SCN9A: variants seen among roughly 807,000 people sequenced by gnomAD.
The protein encoded by SCN9A is sodium channel protein type 9 subunit alpha.
In SCN9A, 131 loss-of-function variants were observed where a neutral mutation model predicts 187.0. That is an observed-to-expected ratio of 0.70 (90% CI 0.61 to 0.81). The LOEUF is 0.81. Among genes scored for constraint, SCN9A ranks in the 30% least tolerant of loss-of-function variants. The probability of loss-of-function intolerance (pLI) is 0.00; values close to 1 mark genes in which losing one functional copy is unlikely to be tolerated. For synonymous variants in SCN9A, 809 were observed against 808.6 expected (o/e 1.00, Z -0.01); for missense variants, 2,252 against 2,396.6 (o/e 0.94, Z 1.26).
rs768250305 is a variant in SCN9A at position 166,242,664 on chromosome 2, G to A, written c.3473-8C>T. 16 of 1,540,174 alleles carry A rather than the reference G, an allele frequency of 1.0e-5. No homozygotes were observed. Among genetic ancestry groups the A allele is most frequent in the Middle Eastern group, 1.7e-4 (1 of 5,962 alleles). ...AGAACCTCCATACACAACCTGACAA[G>A]AAAGACATGCATGTTAAATCTTGAT... On this transcript the variant is annotated splice_polypyrimidine_tract_variant and splice_region_variant and intron_variant, in intron 18 of 26. Coordinates refer to ENST00000642356, the MANE Select transcript of SCN9A (RefSeq NM_001365536.1).
At chr2:166,340,601 TCTTTTTCTTTCTTTCTTTC>T (rs879812836) in intron 1 of SCN9A, among the ~76,000 whole-genome samples, 5,805 of 92,300 alleles carry the variant, frequency 0.063, 297 homozygotes, top group African/African-American at 0.15. Context: ...TTTCTTTCTT[TCTTTTTCTTTCTTTCTTTC>T]CTTTCTCTTC....
intron 24 of SCN9A, 79 bp downstream of exon 24, chr2:166,226,488 A>G (rs1314689719): frequency 9.8e-7 from 1 of 1,017,412 alleles, no homozygotes; most frequent in African/African-American, 1.6e-5. Flanking sequence ...ATTGATATCA[A>G]ATTAAACTTT....
chr2:166,357,988 T>C (rs557461504), intron 1 of SCN9A, among the ~76,000 whole-genome samples: 16 of 96,384 alleles, frequency 1.7e-4, no homozygotes, highest in African/African-American at 1.1e-3. Flanking sequence ...AAGTATTTCA[T>C]AAATTTTTTT....
In SCN9A at chr2:166,199,097, G is replaced by T. The variant is rs1381335907; in HGVS notation, c.5542C>A (p.Arg1848Ser). 1 of 1,613,946 alleles carries T rather than the reference G, an allele frequency of 6.2e-7. No individual in the cohort carries two copies. Among genetic ancestry groups the T allele is most frequent in the African/African-American group, 1.3e-5 (1 of 74,872 alleles). ...CLDILFAFTK[R>S]VLGESGEMDS... Reference sequence around the variant, plus strand: ...ATCTCCCCACTCTCACCCAAAACACGCTTTGTAAAAGCAAATAAGATGTCA... The same window carrying T: ...ATCTCCCCACTCTCACCCAAAACACTCTTTGTAAAAGCAAATAAGATGTCA... The change falls in exon 27 of 27, where the codon CGT becomes AGT. Residue 1848 changes from arginine to serine, a missense_variant. Arg to Ser is a moderately radical substitution (Grantham distance 110). Coordinates refer to ENST00000642356, the MANE Select transcript of SCN9A (RefSeq NM_001365536.1).
chr2:166,321,020 G>A (rs556091995), intron 1 of SCN9A, among the ~76,000 whole-genome samples: 52 of 152,224 alleles, frequency 3.4e-4, no homozygotes, highest in African/African-American at 1.2e-3. Context: ...AAATACTAAC[G>A]TGAACCCTCC....
chr2:166,266,956 G>A (rs989343199), intron 17 of SCN9A, among the ~76,000 whole-genome samples: 5 of 151,570 alleles, frequency 3.3e-5, no homozygotes, highest in African/African-American at 1.2e-4. Context: ...TTTTTTCATG[G>A]GGTCATTAGA....
At position 166,305,767 on chromosome 2, in the gene SCN9A, G is replaced by A. The variant is rs4429487; in HGVS notation, c.596+25C>T. The A allele has an allele frequency of 0.71, 1,150,753 of 1,612,184 alleles. 412,459 individuals are homozygous for A. Among genetic ancestry groups the A allele is most frequent in the African/African-American group, 0.85 (63,475 of 74,836 alleles). ...TGCCTGAGATTTTCATAAATTTGCC[G>A]TTTCAAAAAGCTGAAAGTACTTACG... On this transcript the variant is annotated intron_variant, in intron 5 of 26. Transcript: ENST00000642356.
At chr2:166,221,064 A>G (rs1334494969) in intron 24 of SCN9A, among the ~76,000 whole-genome samples, 1 of 152,228 alleles carries the variant, frequency 6.6e-6, no homozygotes, top group African/African-American at 2.4e-5. Context: ...CATTTATGAT[A>G]ACATCAAAAG....
At chr2:166,357,924 A>G (rs1402301404) in intron 1 of SCN9A, among the ~76,000 whole-genome samples, 1 of 152,080 alleles carries the variant, frequency 6.6e-6, no homozygotes, top group Non-Finnish European at 1.5e-5. Context: ...AGGCCTATCA[A>G]TCCATGCTCT....
chr2:166,299,208 AT>A (rs35520642), intron 7 of SCN9A, among the ~76,000 whole-genome samples: 1 of 151,256 alleles, frequency 6.6e-6, no homozygotes, highest in East Asian at 1.9e-4. Context: ...AAACCCATAT[AT>A]TTTTTTAAAT....
At chr2:166,234,964 A>G (rs940737931) in intron 20 of SCN9A, among the ~76,000 whole-genome samples, 1 of 151,878 alleles carries the variant, frequency 6.6e-6, no homozygotes, top group African/African-American at 2.4e-5. Flanking sequence ...TTATTATAAA[A>G]CCCAGTTTGG....
chr2:166,215,107 G>A (rs1415722615), intron 24 of SCN9A, among the ~76,000 whole-genome samples: 1 of 152,116 alleles, frequency 6.6e-6, no homozygotes, highest in African/African-American at 2.4e-5. Context: ...TATGTTTTCT[G>A]TTCATGATGA....
chr2:166,340,605 T>C (rs1392588468), intron 1 of SCN9A, among the ~76,000 whole-genome samples: 9 of 74,924 alleles, frequency 1.2e-4, no homozygotes, highest in East Asian at 6.3e-4. Context: ...TTTCTTTCTT[T>C]TTCTTTCTTT....
At chr2:166,307,106 G>A (rs1464835108) in intron 2 of SCN9A, 32 bp from the exon 3 acceptor site, 5 of 1,259,718 alleles carry the variant, frequency 4.0e-6, no homozygotes, top group South Asian at 2.5e-5. Flanking sequence ...ATGAAATTGA[G>A]AATCCAAAAT....
At chr2:166,209,087 G>A (rs1693956262) in intron 24 of SCN9A, among the ~76,000 whole-genome samples, 1 of 152,154 alleles carries the variant, frequency 6.6e-6, no homozygotes, top group Non-Finnish European at 1.5e-5. Flanking sequence ...AAAGGGGACG[G>A]TAGATTAGCT....
intron 26 of SCN9A, among the ~76,000 whole-genome samples, chr2:166,201,981 C>T (rs1038326418): frequency 2.6e-5 from 4 of 151,540 alleles, no homozygotes; most frequent in Non-Finnish European, 5.9e-5. Flanking sequence ...TTTTTAACTT[C>T]TGTTTTTGGC....
intron 26 of SCN9A, among the ~76,000 whole-genome samples, chr2:166,200,558 C>G (rs888161365): frequency 6.6e-6 from 1 of 151,838 alleles, no homozygotes; most frequent in South Asian, 2.1e-4. Context: ...TTTTGAGTAT[C>G]ACTTCAGACA....
intron 26 of SCN9A, among the ~76,000 whole-genome samples, chr2:166,202,814 T>C (rs569895002): frequency 9.2e-5 from 14 of 151,812 alleles, no homozygotes; most frequent in Non-Finnish European, 1.9e-4. Flanking sequence ...TTAAAATTTG[T>C]ACCTTTTGAA....
rs199559478 is a variant in SCN9A, at chr2:166,195,744, C to A, written c.*2928G>T. The stretch of plus-strand genomic sequence containing the variant: ...AAAATTAGGTTCTCTAATTTTCATC[C>A]GAAAGATTTGTGTTCAAACCTGTTT... On this transcript the variant is annotated 3_prime_UTR_variant, in exon 27 of 27. Coordinates refer to ENST00000642356, the MANE Select transcript of SCN9A (RefSeq NM_001365536.1). 6.6e-6 allele frequency: 1 copy of A among 152,070 alleles called. No homozygotes were observed. The highest frequency in any genetic ancestry group is 2.4e-5 in the African/African-American group (1 of 41,402). 9.4% of individuals were successfully genotyped at this position (152,070 alleles called of 1,614,324 possible).
Sources: gnomAD v4.1 joint callset for allele counts (sites outside exome capture counted in the v4.1 genomes callset) on GRCh38, gnomAD v4.1.1 for gene constraint, MANE v1.5 for transcripts, NCBI Gene and HGNC (gene_info 2026-07-23, HGNC 2026-07-21) for gene names.